Variants in CELF2 observed in about 807,000 individuals in gnomAD.
The protein encoded by CELF2 is CUG triplet repeat RNA-binding protein 2.
In CELF2, 8 loss-of-function variants were observed where a neutral mutation model predicts 62.6. The observed-to-expected ratio is 0.13, with a 90% CI of 0.07 to 0.23. CELF2 has a LOEUF of 0.23. Ranked by LOEUF, CELF2 falls within the 10% of genes least tolerant of loss-of-function variation. The pLI, the probability that CELF2 is intolerant of heterozygous loss-of-function variation, is 1.00. For synonymous variants in CELF2, 258 were observed against 250.0 expected (o/e 1.03, Z -0.30); for missense variants, 333 against 671.0 (o/e 0.50, Z 5.56).
intron 1 of CELF2, among the ~76,000 whole-genome samples, chr10:10,883,836 T>C (rs2061584652): frequency 6.6e-6 from 1 of 152,176 alleles, no homozygotes; most frequent in Admixed American, 6.5e-5. Flanking sequence ...CTACTAGCAT[T>C]GAACAGATGA....
intron 12 of CELF2, among the ~76,000 whole-genome samples, chr10:11,327,079 C>G (rs1050219220): frequency 6.6e-6 from 1 of 152,122 alleles, no homozygotes; most frequent in African/African-American, 2.4e-5. Context: ...CTTACAGTCA[C>G]CACGTTACCC....
At chr10:10,506,119 T>C in the CELF2 span, among the ~76,000 whole-genome samples, 8 of 151,602 alleles carry the variant, frequency 5.3e-5, no homozygotes, top group South Asian at 1.7e-3. Flanking sequence ...TAAATTCTTA[T>C]CCCTCTTGCA....
chr10:11,329,151 T>C lies in CELF2; in HGVS notation c.*98T>C. On this transcript the variant is annotated 3_prime_UTR_variant, in exon 13 of 13. Coordinates refer to ENST00000633077, the MANE Select transcript of CELF2 (RefSeq NM_001326342.2). This position sits in a 1 kb window ranked among gnomAD's most constrained non-coding sequence, Gnocchi z 5.5. ...CAGGGAAGGCAGAGGAGGACCACAT[T>C]GCCAACTTTTACCAAGAGAGACGGT... is the stretch of plus-strand genomic sequence containing the variant. The C allele has an allele frequency of 7.7e-7, 1 of 1,300,464 alleles. No homozygotes were observed. Among genetic ancestry groups the C allele is most frequent in the Non-Finnish European group, 1.0e-6 (1 of 962,566 alleles). The allele number at this position is 1,300,464 out of a possible 1,614,324, so 80.6% of individuals were successfully genotyped here.
rs1301691589 is a variant in CELF2 at position 11,246,898 on chromosome 10, C to T, written c.355-2255C>T. Among the ~76,000 whole-genome samples the T allele has an allele frequency of 6.6e-6, 1 of 152,236 alleles. No homozygotes were observed. Among genetic ancestry groups the T allele is most frequent in the Non-Finnish European group, 1.5e-5 (1 of 68,042 alleles). The stretch of plus-strand genomic sequence containing the variant: ...TGTCTGTACCCCACAGTCACATCAA[C>T]CTTAGCATGTCCAGACCTGCGCTCG... On this transcript the variant is annotated intron_variant, in intron 3 of 12. Transcript: ENST00000633077. The surrounding 1 kb of genome is among the most constrained non-coding windows in gnomAD (Gnocchi z 4.6).
the CELF2 span, among the ~76,000 whole-genome samples, chr10:10,494,837 A>G: frequency 6.6e-6 from 1 of 152,228 alleles, no homozygotes; most frequent in Admixed American, 6.5e-5. Flanking sequence ...TCTACATACA[A>G]CAAAAGGTCC....
At position 11,156,477 on chromosome 10, in the gene CELF2, C is replaced by G. The variant is rs1357727297; in HGVS notation, c.75-9009C>G. 6.6e-6 allele frequency among the ~76,000 whole-genome samples: 1 copy of G among 152,094 alleles called. No homozygotes were observed. Among genetic ancestry groups the G allele is most frequent in the Non-Finnish European group, 1.5e-5 (1 of 68,026 alleles). On this transcript the variant is annotated intron_variant, in intron 1 of 12. Transcript: ENST00000633077. This position sits in a 1 kb window ranked among gnomAD's most constrained non-coding sequence, Gnocchi z 4.3. ...TTATTTAATACCCTGCAACGCCCTC[C>G]CCTGCATGCTTTATTTGTCTCTGTC...
intron 1 of CELF2, among the ~76,000 whole-genome samples, chr10:10,877,792 C>T (rs904311883): frequency 1.3e-5 from 2 of 152,204 alleles, no homozygotes; most frequent in African/African-American, 2.4e-5. Flanking sequence ...GAATACATTC[C>T]TTCTTTGCTT....
intron 2 of CELF2, among the ~76,000 whole-genome samples, chr10:10,969,832 T>C (rs1480769601): frequency 1.3e-5 from 2 of 152,206 alleles, no homozygotes; most frequent in African/African-American, 4.8e-5. Context: ...GAGATGTAGA[T>C]TTAAGGGTCC....
chr10:11,009,055 C>A (rs1440393788), intron 1 of CELF2, among the ~76,000 whole-genome samples: 1 of 143,486 alleles, frequency 7.0e-6, no homozygotes, highest in Non-Finnish European at 1.5e-5. Flanking sequence ...GATTGCTTCT[C>A]TAATTGTTCC....
At chr10:10,902,342 C>T (rs10905857) in intron 1 of CELF2, among the ~76,000 whole-genome samples, 40,042 of 152,128 alleles carry the variant, frequency 0.26, 5,971 homozygotes, top group East Asian at 0.65. Context: ...AAACAACCCA[C>T]ATGTTCCTCA....
the CELF2 span, among the ~76,000 whole-genome samples, chr10:10,466,178 C>T: frequency 0.33 from 50,114 of 151,800 alleles, 8,909 homozygotes; most frequent in Admixed American, 0.42. Flanking sequence ...AGAGAGTTTC[C>T]ATTCGTACAA....
At chr10:11,022,160 G>A (rs2058431907) in intron 1 of CELF2, among the ~76,000 whole-genome samples, 1 of 152,182 alleles carries the variant, frequency 6.6e-6, no homozygotes, top group South Asian at 2.1e-4. Context: ...AATGAGAAAA[G>A]TCTAAAGAAA....
the CELF2 span, among the ~76,000 whole-genome samples, chr10:10,715,134 G>A: frequency 6.6e-6 from 1 of 152,130 alleles, no homozygotes; most frequent in Non-Finnish European, 1.5e-5. Flanking sequence ...TGAGTCAATA[G>A]CAAAGTATGT....
chr10:10,682,411 A>C, the CELF2 span, among the ~76,000 whole-genome samples: 4 of 152,200 alleles, frequency 2.6e-5, no homozygotes, highest in Admixed American at 1.3e-4. Flanking sequence ...ATGTTTCACA[A>C]ATTGGAGGAC....
chr10:10,666,862 AAAAAAAAAAAAAAAAAAG>A, the CELF2 span, among the ~76,000 whole-genome samples: 2 of 66,138 alleles, frequency 3.0e-5, 1 homozygote, highest in Non-Finnish European at 5.8e-5. Flanking sequence ...ACTCCGTCTC[AAAAAAAAAAAAAAAAAAG>A]AAAAAAAAAA....
At chr10:10,519,324 T>G in the CELF2 span, among the ~76,000 whole-genome samples, 1 of 152,182 alleles carries the variant, frequency 6.6e-6, no homozygotes, top group Non-Finnish European at 1.5e-5. Flanking sequence ...TCTATGCAAA[T>G]GAATATAGCC....
intron 1 of CELF2, among the ~76,000 whole-genome samples, chr10:11,107,094 T>G (rs749739025): frequency 6.6e-5 from 10 of 152,234 alleles, no homozygotes; most frequent in Non-Finnish European, 7.3e-5. Flanking sequence ...CTAAGGGAGC[T>G]GCGTGGATAC....
intron 1 of CELF2, among the ~76,000 whole-genome samples, chr10:10,880,506 T>C (rs2061379194): frequency 6.6e-6 from 1 of 152,196 alleles, no homozygotes; most frequent in South Asian, 2.1e-4. Flanking sequence ...CCGCATCTTT[T>C]TCGGACTGAC....
chr10:10,884,520 A>C, intron 1 of CELF2, among the ~76,000 whole-genome samples: 1 of 152,232 alleles, frequency 6.6e-6, no homozygotes, highest in Non-Finnish European at 1.5e-5. Context: ...ATGCAAAAGA[A>C]AGTCCACATT....
Sources: gnomAD v4.1 joint callset for allele counts (sites outside exome capture counted in the v4.1 genomes callset) on GRCh38, gnomAD v4.1.1 for gene constraint, Gnocchi (gnomAD v3.1) non-coding constraint, MANE v1.5 for transcripts, NCBI Gene and HGNC (gene_info 2026-07-23, HGNC 2026-07-21) for gene names.